Variants in GPC5 observed in about 807,000 individuals in gnomAD.
GPC5 encodes the protein glypican-5.
Under a neutral mutation model 53.9 loss-of-function variants are expected in GPC5, and 47 were observed. That is an observed-to-expected ratio of 0.87 (90% CI 0.69 to 1.11). The LOEUF (loss-of-function observed/expected upper bound fraction) is 1.11. GPC5 is among the 50% of genes most tolerant of loss of function. GPC5 has a pLI of 0.00. For missense variants in GPC5, 748 were observed against 713.1 expected, an observed-to-expected ratio of 1.05 and a Z score of -0.56; for synonymous variants, 286 against 263.3, an observed-to-expected ratio of 1.09 and a Z score of -0.84.
At chr13:92,849,671 C>T (rs1184803271) in intron 7 of GPC5, among the ~76,000 whole-genome samples, 1 of 152,052 alleles carries the variant, frequency 6.6e-6, no homozygotes, top group Non-Finnish European at 1.5e-5. Flanking sequence ...TCAATCAATG[C>T]CCAATCCAGT....
At chr13:92,269,199 C>G (rs1362212821) in intron 7 of GPC5, among the ~76,000 whole-genome samples, 4 of 151,902 alleles carry the variant, frequency 2.6e-5, no homozygotes, top group Admixed American at 1.3e-4. Context: ...ATGCTTGGAT[C>G]CTTTATCCAT....
chr13:92,008,121 G>GGC (rs1250038801), intron 6 of GPC5, among the ~76,000 whole-genome samples: 1 of 145,588 alleles, frequency 6.9e-6, no homozygotes, highest in African/African-American at 2.5e-5. Context: ...GGAGTGCAGT[G>GGC]GCGCAATCTC....
chr13:92,294,221 A>G (rs1048437689), intron 7 of GPC5, among the ~76,000 whole-genome samples: 3 of 152,036 alleles, frequency 2.0e-5, no homozygotes, highest in South Asian at 2.1e-4. Context: ...TGATTTGGGG[A>G]GGGGTCCCTC....
chr13:91,757,030 A>G (rs1441922890), intron 5 of GPC5, among the ~76,000 whole-genome samples: 1 of 151,982 alleles, frequency 6.6e-6, no homozygotes, highest in Non-Finnish European at 1.5e-5. Flanking sequence ...GTGAAATTCC[A>G]TGTTTACTTT....
At position 91,598,759 on chromosome 13, in the gene GPC5, C is replaced by T. The variant is rs574142083; in HGVS notation, c.326-94428C>T. ...CAGGAATTAGGAATGCAGTTTCTGGCATGAAAAGGGATAGAAATAGTGCCC... is the reference window on the plus strand; with the variant it reads ...CAGGAATTAGGAATGCAGTTTCTGGTATGAAAAGGGATAGAAATAGTGCCC... On this transcript the variant is annotated intron_variant, in intron 2 of 7. Transcript: ENST00000377067. Among the ~76,000 whole-genome samples, 42 of 152,058 alleles carry T rather than the reference C, an allele frequency of 2.8e-4. No individual in the cohort carries two copies. The South Asian group carries it at 3.5e-3, about 13-fold the overall frequency.
chr13:92,795,667 T>C (rs1023148732), intron 7 of GPC5, among the ~76,000 whole-genome samples: 14 of 150,150 alleles, frequency 9.3e-5, no homozygotes, highest in Non-Finnish European at 3.0e-5. Flanking sequence ...TACAAAGAAC[T>C]TAAAAACAGC....
intron 2 of GPC5, among the ~76,000 whole-genome samples, chr13:91,650,100 T>C (rs2034661267): frequency 6.6e-6 from 1 of 152,168 alleles, no homozygotes; most frequent in African/African-American, 2.4e-5. Flanking sequence ...CAAATCTTAT[T>C]CAGTATTTAA....
intron 2 of GPC5, among the ~76,000 whole-genome samples, chr13:91,636,016 G>T (rs932778030): frequency 6.6e-6 from 1 of 151,616 alleles, no homozygotes; most frequent in Non-Finnish European, 1.5e-5. Flanking sequence ...TTCTGTTTTG[G>T]TTGTTGCCGT....
At chr13:91,754,638 A>G (rs773469096) in intron 4 of GPC5, among the ~76,000 whole-genome samples, 2 of 152,280 alleles carry the variant, frequency 1.3e-5, no homozygotes, top group Admixed American at 1.3e-4. Flanking sequence ...GGAGTCACAC[A>G]TCCTGCCATT....
intron 7 of GPC5, among the ~76,000 whole-genome samples, chr13:92,342,311 T>G (rs983944028): frequency 2.0e-5 from 3 of 152,148 alleles, no homozygotes; most frequent in Non-Finnish European, 4.4e-5. Context: ...CTAACTCATT[T>G]CCATGAACTG....
chr13:92,602,742 T>C (rs936854303), intron 7 of GPC5, among the ~76,000 whole-genome samples: 1 of 152,194 alleles, frequency 6.6e-6, no homozygotes, highest in Non-Finnish European at 1.5e-5. Context: ...CCTAATTATC[T>C]ATGACAAAAC....
At chr13:91,713,123 G>A (rs1232226461) in intron 3 of GPC5, among the ~76,000 whole-genome samples, 4 of 152,222 alleles carry the variant, frequency 2.6e-5, no homozygotes, top group African/African-American at 7.2e-5. Flanking sequence ...CCCGGGAGGC[G>A]GAGGGTGCAG....
chr13:92,676,409 G>T, intron 7 of GPC5, among the ~76,000 whole-genome samples: 1 of 151,958 alleles, frequency 6.6e-6, no homozygotes, highest in East Asian at 1.9e-4. Flanking sequence ...AGATACAATT[G>T]CCATCACAGT....
chr13:92,258,691 T>A (rs1424269895), intron 7 of GPC5, among the ~76,000 whole-genome samples: 2 of 152,150 alleles, frequency 1.3e-5, no homozygotes, highest in African/African-American at 4.8e-5. Context: ...ACAGTCTTCA[T>A]CCTAAATACA....
intron 7 of GPC5, among the ~76,000 whole-genome samples, chr13:92,805,233 G>A (rs1027372680): frequency 6.6e-6 from 1 of 151,940 alleles, no homozygotes; most frequent in African/African-American, 2.4e-5. Flanking sequence ...ATCCATTAGA[G>A]CAATCACTAT....
chr13:91,648,553 A>G (rs541548146), intron 2 of GPC5, among the ~76,000 whole-genome samples: 12 of 152,136 alleles, frequency 7.9e-5, no homozygotes, highest in Non-Finnish European at 1.5e-4. Context: ...TTTATTTTAT[A>G]ACATATTTAT....
intron 7 of GPC5, among the ~76,000 whole-genome samples, chr13:92,554,373 T>C (rs1270118955): frequency 5.3e-5 from 8 of 151,868 alleles, no homozygotes; most frequent in Non-Finnish European, 7.4e-5. Flanking sequence ...ACATCAAAAA[T>C]GTAGAAAACC....
intron 7 of GPC5, among the ~76,000 whole-genome samples, chr13:92,563,245 A>T (rs545461380): frequency 6.6e-6 from 1 of 152,180 alleles, no homozygotes; most frequent in Non-Finnish European, 1.5e-5. Flanking sequence ...GTAAAATAAA[A>T]TAGGATATCG....
At chr13:92,624,173 G>A (rs1004185583) in intron 7 of GPC5, among the ~76,000 whole-genome samples, 12 of 151,794 alleles carry the variant, frequency 7.9e-5, no homozygotes, top group African/African-American at 2.7e-4. Context: ...ATGTTCAAGC[G>A]ATCCTCCTGC....
Sources: gnomAD v4.1 joint callset for allele counts (sites outside exome capture counted in the v4.1 genomes callset) on GRCh38, gnomAD v4.1.1 for gene constraint, MANE v1.5 for transcripts, NCBI Gene and HGNC (gene_info 2026-07-23, HGNC 2026-07-21) for gene names.